Variants in WDR90 observed in about 807,000 individuals in gnomAD.
WDR90 encodes WD repeat domain 90, also known as WD repeat-containing protein 90.
In WDR90, 238 loss-of-function variants were observed where a neutral mutation model predicts 195.2. The observed-to-expected ratio is 1.22, with a 90% CI of 1.10 to 1.36. WDR90 has a LOEUF of 1.36. Ranked by LOEUF, WDR90 falls within the 40% of genes most tolerant of loss-of-function variation. The probability of loss-of-function intolerance (pLI) is 0.00; values close to 1 mark genes in which losing one functional copy is unlikely to be tolerated. For synonymous variants in WDR90, 1,265 were observed against 1,052.4 expected (o/e 1.20, Z -3.91); for missense variants, 2,734 against 2,439.5 (o/e 1.12, Z -2.54).
At chr16:659,434 C>G in intron 26 of WDR90, 58 bp downstream of exon 26, 1 of 1,562,252 alleles carries the variant, frequency 6.4e-7, no homozygotes, top group Admixed American at 1.9e-5. Flanking sequence ...AGGGCACAGG[C>G]CCAGTGGCAG....
intron 34 of WDR90, chr16:665,394 G>A (rs1025086398): frequency 2.9e-5 from 17 of 580,528 alleles, no homozygotes; most frequent in East Asian, 5.9e-5. Flanking sequence ...AGGGATGCAC[G>A]GCCACGCTCC....
At position 657,768 on chromosome 16, in the gene WDR90, T is replaced by C. The variant is rs1230420783; in HGVS notation, c.2480T>C (p.Met827Thr). Residue 827 changes from methionine to threonine, a missense_variant, in exon 21 of 41, where the codon ATG (methionine) becomes ACG (threonine). Transcript: ENST00000293879. ...QWHVLRVAAD[M>T]VCPDAPASPS... Reference sequence around the variant, plus strand: ...CTGCCCCGTGTGGCCACAGCGGACATGGTATGCCCGGATGCCCCCGCGAGC... The same window carrying C: ...CTGCCCCGTGTGGCCACAGCGGACACGGTATGCCCGGATGCCCCCGCGAGC... 10 of 1,547,914 alleles carry C rather than the reference T, an allele frequency of 6.5e-6. No homozygotes were observed. The highest frequency in any genetic ancestry group is 7.9e-6 in the Non-Finnish European group (9 of 1,146,088).
At chr16:662,966 C>G in intron 34 of WDR90, 122 bp downstream of exon 34, 1 of 1,432,970 alleles carries the variant, frequency 7.0e-7, no homozygotes, top group Non-Finnish European at 9.5e-7. Flanking sequence ...TCGCAGCGGC[C>G]GCCTTGGGGT....
chr16:656,544 T>G lies in WDR90; in HGVS notation c.2202+7T>G. Reference sequence around the variant, plus strand: ...CCTGGCCACCCTGCAGCAGGTGGGGTTTGGCAGGGGCAGCACGGCAGGGAG... The same window carrying G: ...CCTGGCCACCCTGCAGCAGGTGGGGGTTGGCAGGGGCAGCACGGCAGGGAG... On this transcript the variant is annotated splice_region_variant and intron_variant, in intron 18 of 40. Transcript: ENST00000293879. 6.4e-7 allele frequency: 1 copy of G among 1,564,976 alleles called. No homozygotes were observed.
rs753700785 is a variant in WDR90, at chr16:662,731, A to G, written c.4198A>G (p.Ser1400Gly). 1 of 1,594,754 alleles carries G rather than the reference A, an allele frequency of 6.3e-7. No homozygotes were observed. Among genetic ancestry groups the G allele is most frequent in the Non-Finnish European group, 8.6e-7 (1 of 1,168,022 alleles). ...GCTGGACGGGGCTGTGGTGAGTGCCAGCTTCGATGACAGCGTGGACATGGG... is the reference window on the plus strand; with the variant it reads ...GCTGGACGGGGCTGTGGTGAGTGCCGGCTTCGATGACAGCGTGGACATGGG... The part of the protein sequence containing the change: ...LVLDGAVVSA[S>G]FDDSVDMGVV... The change falls in exon 34 of 41, where the codon AGC (serine) becomes GGC (glycine). Residue 1400 changes from serine (S) to glycine (G), a missense_variant. By Grantham distance (56) the Ser-to-Gly change is moderately conservative. Coordinates refer to ENST00000293879, the MANE Select transcript of WDR90 (RefSeq NM_145294.5).
At position 650,106 on chromosome 16, in the gene WDR90, A is replaced by G; in HGVS notation, c.218A>G (p.Tyr73Cys). 1 of 1,613,076 alleles carries G rather than the reference A, an allele frequency of 6.2e-7. No individual in the cohort carries two copies. Among genetic ancestry groups the G allele is most frequent in the Non-Finnish European group, 8.5e-7 (1 of 1,179,962 alleles). The change falls in exon 3 of 41, where the codon TAT becomes TGT. Residue 73 changes from tyrosine to cysteine, a missense_variant. By Grantham distance (194) the Tyr-to-Cys change is radical. Coordinates refer to ENST00000293879, the MANE Select transcript of WDR90 (RefSeq NM_145294.5). The stretch of plus-strand genomic sequence containing the variant: ...CTGGGGCTGACGGGACGATACCTGT[A>G]TGTGCTCTTTCGGCCCCTGCCCAGC... ...QSLGLTGRYL[Y>C]VLFRPLPSKH...
chr16:650,279 T>C lies in WDR90; in HGVS notation c.305T>C (p.Phe102Ser). 6.2e-7 allele frequency: 1 copy of C among 1,612,978 alleles called. No homozygotes were observed. The highest frequency in any genetic ancestry group is 8.5e-7 in the Non-Finnish European group (1 of 1,179,934). ...SKDNQVIRVS[F>S]SNLFKEFKST... ...GACAACCAAGTCATCCGTGTGTCTT[T>C]CTCCAACCTCTTCAAGGAGTTTAAG... Residue 102 changes from phenylalanine to serine, a missense_variant, in exon 4 of 41, where the codon TTC (phenylalanine) becomes TCC (serine). Physicochemically the swap from Phe to Ser is radical, Grantham distance 155. Transcript: ENST00000293879.
At position 653,805 on chromosome 16, in the gene WDR90, T is replaced by A. The variant is rs2037692673; in HGVS notation, c.1437+2T>A. The A allele has an allele frequency of 6.2e-7, 1 of 1,613,086 alleles. No homozygotes were observed. Among genetic ancestry groups the A allele is most frequent in the African/African-American group, 1.3e-5 (1 of 75,044 alleles). The stretch of plus-strand genomic sequence containing the variant: ...GGCAAGGACCACCACGGGAGGACGG[T>A]AACAGGGCCCTGGCTGCGGGTTGGG... On this transcript the variant is annotated splice_donor_variant, in intron 13 of 40. Transcript: ENST00000293879. LOFTEE classifies it high-confidence loss of function.
chr16:656,009 C>CT, intron 17 of WDR90, 120 bp downstream of exon 17: 1 of 1,198,972 alleles, frequency 8.3e-7, no homozygotes, highest in Non-Finnish European at 1.1e-6. Flanking sequence ...GCACAGGGTG[C>CT]CACGGGGCCA....
chr16:651,288 G>A (rs757181268), intron 7 of WDR90, 22 bp downstream of exon 7: 1 of 1,612,232 alleles, frequency 6.2e-7, no homozygotes, highest in Non-Finnish European at 8.5e-7. Context: ...GGGTCAGCGG[G>A]GACCCAGGTT....
In WDR90 at chr16:661,804, G is replaced by T; in HGVS notation, c.3864+17G>T. ...AGCCTTCAGGTGCCACCCGTTCAGC[G>T]TTTGGGCCCAGGGGTTGTTTTGTGG... On this transcript the variant is annotated intron_variant, in intron 31 of 40. Transcript: ENST00000293879. The T allele has an allele frequency of 1.3e-6, 2 of 1,590,286 alleles. No individual in the cohort carries two copies. Among genetic ancestry groups the T allele is most frequent in the East Asian group, 4.5e-5 (2 of 44,516 alleles).
At position 656,361 on chromosome 16, in the gene WDR90, G is replaced by A; in HGVS notation, c.2026G>A (p.Ala676Thr). 1.2e-6 allele frequency: 2 copies of A among 1,609,624 alleles called. No individual in the cohort carries two copies. Among genetic ancestry groups the A allele is most frequent in the Non-Finnish European group, 1.7e-6 (2 of 1,179,738 alleles). The change falls in exon 18 of 41, where the codon GCC (alanine) becomes ACC (threonine). Residue 676 changes from alanine to threonine, a missense_variant. Transcript: ENST00000293879. Reference protein sequence around the residue: ...VSPDGLRVLSATSSGHLGFLD... With the variant: ...VSPDGLRVLSTTSSGHLGFLD... ...CCCCGATGGCCTCCGTGTGCTGTCT[G>A]CCACCTCCTCGGGCCACCTGGGCTT... is the stretch of plus-strand genomic sequence containing the variant.
intron 33 of WDR90, 103 bp from the exon 34 acceptor site, chr16:662,576 G>C: frequency 6.9e-7 from 1 of 1,451,634 alleles, no homozygotes; most frequent in Non-Finnish European, 9.2e-7. Flanking sequence ...GCCAGGTCCT[G>C]AGATGCAATG....
intron 10 of WDR90, 59 bp from the exon 11 acceptor site, chr16:653,282 G>C (rs1162505229): frequency 7.2e-6 from 10 of 1,393,720 alleles, no homozygotes; most frequent in Non-Finnish European, 9.5e-6. Flanking sequence ...CTGACCTCCC[G>C]GCAGCCAGGA....
In WDR90 at chr16:659,228, G is replaced by A. The variant is rs757344261; in HGVS notation, c.3053-17G>A. 11 of 1,611,504 alleles carry A rather than the reference G, an allele frequency of 6.8e-6. No homozygotes were observed. The highest frequency in any genetic ancestry group is 6.7e-5 in the Admixed American group (4 of 59,976). On this transcript the variant is annotated splice_polypyrimidine_tract_variant and intron_variant, in intron 25 of 40. Transcript: ENST00000293879. ...TCCTCTTCCTTCCCAAACATCACAG[G>A]GCTGCTTCTTCCCCAGGCCCGGGCG...
chr16:650,787 T>C lies in WDR90; in HGVS notation c.559+78T>C, dbSNP rs1234092029. ...CTGGAGAGGCCCAAGTCCAGGGTGC[T>C]TGGGAAAATACAGTGCTCGAGCTGT... On this transcript the variant is annotated intron_variant, in intron 5 of 40. Coordinates refer to ENST00000293879, the MANE Select transcript of WDR90 (RefSeq NM_145294.5). 5.1e-6 allele frequency: 8 copies of C among 1,558,086 alleles called. No individual in the cohort carries two copies. The African/African-American group carries it at 9.5e-5, about 19-fold the overall frequency.
chr16:662,215 C>A lies in WDR90; in HGVS notation c.4034-5C>A. On this transcript the variant is annotated splice_polypyrimidine_tract_variant and splice_region_variant and intron_variant, in intron 32 of 40. Coordinates refer to ENST00000293879, the MANE Select transcript of WDR90 (RefSeq NM_145294.5). Reference sequence around the variant, plus strand: ...GTGGCCCCTTATGGCTCCTCCTGCCCCTAGGGCTGTTGCTGTTCTCGGGTT... The same window carrying A: ...GTGGCCCCTTATGGCTCCTCCTGCCACTAGGGCTGTTGCTGTTCTCGGGTT... 1 of 1,557,478 alleles carries A rather than the reference C, an allele frequency of 6.4e-7. No individual in the cohort carries two copies. Among genetic ancestry groups the A allele is most frequent in the Non-Finnish European group, 8.7e-7 (1 of 1,152,266 alleles).
intron 1 of WDR90, 31 bp downstream of exon 1, chr16:649,457 T>C (rs774658568): frequency 3.1e-6 from 4 of 1,289,770 alleles, no homozygotes; most frequent in Admixed American, 4.2e-5. Flanking sequence ...GTCCCGAGGA[T>C]CCCGGGTTCC....
chr16:651,157 C>A, intron 6 of WDR90, 42 bp from the exon 7 acceptor site: 1 of 1,613,020 alleles, frequency 6.2e-7, no homozygotes, highest in Non-Finnish European at 8.5e-7. Flanking sequence ...GGGTGGGTGG[C>A]CCTTGGGCCC....
Sources: gnomAD v4.1 joint callset for allele counts on GRCh38, gnomAD v4.1.1 for gene constraint, MANE v1.5 for transcripts, NCBI Gene and HGNC (gene_info 2026-07-23, HGNC 2026-07-21) for gene names.